DIAPH3: variants seen among roughly 807,000 people sequenced by gnomAD.
DIAPH3 encodes diaphanous related formin 3.
In DIAPH3, 117 loss-of-function variants were observed where a neutral mutation model predicts 144.3. That is an observed-to-expected ratio of 0.81 (90% CI 0.70 to 0.95). The LOEUF is 0.95. Ranked by LOEUF, DIAPH3 falls within the 40% of genes least tolerant of loss-of-function variation. The pLI is 0.00. For synonymous variants in DIAPH3, 519 were observed against 488.9 expected, an observed-to-expected ratio of 1.06 and a Z score of -0.81; for missense variants, 1,421 against 1,412.7, an observed-to-expected ratio of 1.01 and a Z score of -0.09.
intron 27 of DIAPH3, among the ~76,000 whole-genome samples, chr13:59,686,277 T>G (rs1169821850): frequency 6.6e-6 from 1 of 152,084 alleles, no homozygotes; most frequent in Non-Finnish European, 1.5e-5. Context: ...GATAATATGA[T>G]TACAGGCTAG....
chr13:60,105,060 T>C lies in DIAPH3; in HGVS notation c.390+6950A>G, dbSNP rs145890042. 2.6e-3 allele frequency among the ~76,000 whole-genome samples: 306 copies of C among 116,634 alleles called. 7 individuals carry two copies. In the East Asian group the frequency reaches 0.066, roughly 25 times the overall value. The allele number at this position is 116,634 out of a possible 152,430, so 76.5% of individuals were successfully genotyped here. On this transcript the variant is annotated intron_variant, in intron 3 of 27. Transcript: ENST00000400324. ...GCAGTGAGCTGAGATTGCGCCACTA[T>C]ACTCCATCCAGCCTGGGCGACAAAG...
At chr13:60,020,994 G>A (rs559344469) in intron 5 of DIAPH3, 2 of 152,318 alleles carry the variant, frequency 1.3e-5, no homozygotes, top group South Asian at 2.1e-4. Flanking sequence ...CTGTATCAGA[G>A]ATAAAACCAA....
intron 5 of DIAPH3, among the ~76,000 whole-genome samples, chr13:60,029,299 T>G (rs1380414296): frequency 1.3e-5 from 2 of 152,116 alleles, no homozygotes; most frequent in African/African-American, 4.8e-5. Flanking sequence ...CTACAATCCT[T>G]ATACAAGCCA....
At chr13:60,082,547 G>GAA (rs35411094) in intron 4 of DIAPH3, among the ~76,000 whole-genome samples, 5 of 150,362 alleles carry the variant, frequency 3.3e-5, no homozygotes, top group South Asian at 2.1e-4. Flanking sequence ...CTTTTTGCTA[G>GAA]AAAAAAAAAT....
chr13:59,668,946 T>C (rs1593540800), intron 27 of DIAPH3, among the ~76,000 whole-genome samples: 1 of 152,022 alleles, frequency 6.6e-6, no homozygotes, highest in Middle Eastern at 3.4e-3. Flanking sequence ...AGCATATAGA[T>C]TGAGGGGTAA....
chr13:60,019,259 G>A (rs370170078), intron 5 of DIAPH3, among the ~76,000 whole-genome samples: 4 of 152,142 alleles, frequency 2.6e-5, no homozygotes, highest in East Asian at 1.9e-4. Context: ...TAATTTCCAC[G>A]AACTAAAATC....
intron 27 of DIAPH3, among the ~76,000 whole-genome samples, chr13:59,739,017 G>C (rs561456813): frequency 6.6e-6 from 1 of 151,938 alleles, no homozygotes; most frequent in African/African-American, 2.4e-5. Flanking sequence ...ACAATTATAT[G>C]TATTAAGAAC....
chr13:59,707,995 A>C (rs1294093878), intron 27 of DIAPH3, among the ~76,000 whole-genome samples: 1 of 151,948 alleles, frequency 6.6e-6, no homozygotes, highest in Non-Finnish European at 1.5e-5. Flanking sequence ...TAAAAAAAAA[A>C]AAACAAAAAA....
At chr13:59,949,799 T>C (rs2049007182) in intron 17 of DIAPH3, among the ~76,000 whole-genome samples, 1 of 152,178 alleles carries the variant, frequency 6.6e-6, no homozygotes, top group Non-Finnish European at 1.5e-5. Flanking sequence ...CTATTTATCT[T>C]TAGCCTAAAA....
At chr13:59,684,279 C>G (rs2033100625) in intron 27 of DIAPH3, among the ~76,000 whole-genome samples, 1 of 152,180 alleles carries the variant, frequency 6.6e-6, no homozygotes, top group Admixed American at 6.6e-5. Context: ...TTATGTTTAT[C>G]AAGCTGTACG....
chr13:60,084,153 A>G (rs750935334), intron 4 of DIAPH3, among the ~76,000 whole-genome samples: 1 of 152,060 alleles, frequency 6.6e-6, no homozygotes, highest in Non-Finnish European at 1.5e-5. Context: ...CAAGATGGTG[A>G]TTACTTTTAG....
chr13:59,994,337 C>T (rs1224304413), intron 9 of DIAPH3, among the ~76,000 whole-genome samples: 1 of 151,700 alleles, frequency 6.6e-6, no homozygotes, highest in Non-Finnish European at 1.5e-5. Context: ...AGGTAAAGAC[C>T]AAGGAGTTCC....
chr13:60,024,095 T>C (rs1594385387), intron 5 of DIAPH3, among the ~76,000 whole-genome samples: 1 of 146,384 alleles, frequency 6.8e-6, no homozygotes, highest in South Asian at 2.2e-4. Flanking sequence ...CTTCAGGTGG[T>C]CCAGCCGCCT....
intron 18 of DIAPH3, among the ~76,000 whole-genome samples, chr13:59,918,241 T>G (rs746694434): frequency 2.2e-4 from 31 of 139,914 alleles, no homozygotes; most frequent in Non-Finnish European, 4.3e-4. Context: ...GAGAGAGAGA[T>G]ACTGTCCACT....
intron 1 of DIAPH3, among the ~76,000 whole-genome samples, chr13:60,141,293 C>A (rs147105927): frequency 9.9e-5 from 15 of 151,482 alleles, no homozygotes; most frequent in Admixed American, 3.3e-4. Context: ...AGATTTTAAG[C>A]AAGACCTAGT....
At chr13:59,763,436 G>A (rs567015228) in intron 27 of DIAPH3, among the ~76,000 whole-genome samples, 1 of 152,072 alleles carries the variant, frequency 6.6e-6, no homozygotes, top group Admixed American at 6.5e-5. Context: ...CAGCACTTTG[G>A]GAGGCTCAGG....
chr13:60,033,597 A>C (rs1159383782), intron 5 of DIAPH3, among the ~76,000 whole-genome samples: 2 of 152,168 alleles, frequency 1.3e-5, no homozygotes, highest in Non-Finnish European at 2.9e-5. Context: ...TTAAATGACC[A>C]GATCTCATGA....
chr13:60,042,942 G>T, intron 4 of DIAPH3, 122 bp from the exon 5 acceptor site: 1 of 1,138,604 alleles, frequency 8.8e-7, no homozygotes. Flanking sequence ...TTTGGGCAAG[G>T]GTGGTAAATA....
intron 27 of DIAPH3, among the ~76,000 whole-genome samples, chr13:59,737,024 T>C (rs777650240): frequency 5.3e-5 from 8 of 152,118 alleles, no homozygotes; most frequent in Non-Finnish European, 1.0e-4. Flanking sequence ...AGGAGTTAAA[T>C]GTAAAAACGA....
Sources: gnomAD v4.1 joint callset for allele counts (sites outside exome capture counted in the v4.1 genomes callset) on GRCh38, gnomAD v4.1.1 for gene constraint, MANE v1.5 for transcripts, NCBI Gene and HGNC (gene_info 2026-07-23, HGNC 2026-07-21) for gene names.